COL11A1: variants seen among roughly 807,000 people sequenced by gnomAD.
The protein encoded by COL11A1 is collagen alpha-1(XI) chain.
Under a neutral mutation model 265.2 loss-of-function variants are expected in COL11A1, and 74 were observed. That is an observed-to-expected ratio of 0.28 (90% confidence interval 0.23 to 0.34). COL11A1 has a LOEUF of 0.34. Among genes scored for constraint, COL11A1 ranks in the 10% least tolerant of loss-of-function variants. COL11A1 has a pLI of 1.00. For missense variants in COL11A1, 2,165 were observed against 2,263.6 expected (o/e 0.96, Z 0.88); for synonymous variants, 816 against 727.6 (o/e 1.12, Z -1.96).
chr1:103,067,114 T>A (rs1671218597), intron 4 of COL11A1, among the ~76,000 whole-genome samples: 1 of 151,802 alleles, frequency 6.6e-6, no homozygotes, highest in African/African-American at 2.4e-5. Flanking sequence ...ATAGAACAAG[T>A]AGACAAAAAA....
At chr1:102,894,410 T>C (rs1652138149) in intron 57 of COL11A1, among the ~76,000 whole-genome samples, 1 of 152,066 alleles carries the variant, frequency 6.6e-6, no homozygotes, top group Non-Finnish European at 1.5e-5. Context: ...GGCACAAACC[T>C]GCAGCCCCAG....
intron 4 of COL11A1, among the ~76,000 whole-genome samples, chr1:103,041,367 T>A (rs1668795353): frequency 1.3e-5 from 2 of 151,032 alleles, no homozygotes; most frequent in Admixed American, 1.3e-4. Flanking sequence ...TATCAATTTT[T>A]AGCATCATCC....
chr1:103,021,703 T>G lies in COL11A1; in HGVS notation c.1308+4A>C. The G allele has an allele frequency of 6.2e-7, 1 of 1,604,236 alleles. No individual in the cohort carries two copies. Among genetic ancestry groups the G allele is most frequent in the Non-Finnish European group, 8.5e-7 (1 of 1,170,998 alleles). On this transcript the variant is annotated splice_donor_region_variant and intron_variant, in intron 9 of 66. Transcript: ENST00000370096. ...CTTTAAAGTGTATTCACACTACTAC[T>G]TACAGGCTCAACCACTGCTGGTTCT... is the stretch of plus-strand genomic sequence containing the variant.
intron 64 of COL11A1, among the ~76,000 whole-genome samples, 157 bp from the exon 65 acceptor site, chr1:102,881,922 CAA>C (rs1402112534): frequency 1.3e-5 from 2 of 151,916 alleles, no homozygotes; most frequent in South Asian, 2.1e-4. Context: ...CAAAATGAGA[CAA>C]AGAGAAAAAT....
At chr1:102,920,239 T>TC (rs1655821237) in intron 49 of COL11A1, 72 bp downstream of exon 49, 1 of 1,370,754 alleles carries the variant, frequency 7.3e-7, no homozygotes, top group African/African-American at 1.4e-5. Flanking sequence ...TAGAAGCACT[T>TC]AAACTACTAC....
chr1:103,047,607 C>A (rs1272849854), intron 4 of COL11A1, among the ~76,000 whole-genome samples: 1 of 152,150 alleles, frequency 6.6e-6, no homozygotes, highest in African/African-American at 2.4e-5. Context: ...CCTTCTCCTG[C>A]CTGATTGCCC....
chr1:102,952,984 C>T (rs1358787520), intron 41 of COL11A1, among the ~76,000 whole-genome samples: 4 of 152,132 alleles, frequency 2.6e-5, no homozygotes, highest in Non-Finnish European at 4.4e-5. Context: ...AGAATCTATT[C>T]TCTTGGGACA....
chr1:102,893,573 AG>A (rs1320430201), intron 57 of COL11A1, among the ~76,000 whole-genome samples: 16 of 152,132 alleles, frequency 1.1e-4, no homozygotes, highest in Non-Finnish European at 1.9e-4. Context: ...GAAAACCCCC[AG>A]GGAAATACAT....
At chr1:103,024,107 T>C (rs547857725) in intron 7 of COL11A1, among the ~76,000 whole-genome samples, 4 of 152,262 alleles carry the variant, frequency 2.6e-5, no homozygotes, top group African/African-American at 9.6e-5. Flanking sequence ...ATGATGAGGC[T>C]CAAATTAAAT....
intron 4 of COL11A1, among the ~76,000 whole-genome samples, chr1:103,035,155 T>C (rs778633375): frequency 5.9e-5 from 9 of 152,218 alleles, no homozygotes; most frequent in Admixed American, 2.6e-4. Flanking sequence ...ATATTTGAAA[T>C]AGCAGGGCCT....
chr1:103,042,581 G>A (rs995806085), intron 4 of COL11A1, among the ~76,000 whole-genome samples: 1 of 152,076 alleles, frequency 6.6e-6, no homozygotes, highest in Non-Finnish European at 1.5e-5. Context: ...CAGGAGTTTG[G>A]AAGTTGGGAA....
At chr1:103,005,918 TCA>T (rs1665561913) in intron 17 of COL11A1, 27 bp from the exon 18 acceptor site, 1 of 1,613,690 alleles carries the variant, frequency 6.2e-7, no homozygotes, top group South Asian at 1.1e-5. Context: ...ATCATCATCA[TCA>T]TCATCATCAT....
chr1:102,933,271 G>C (rs1032151493), intron 46 of COL11A1, among the ~76,000 whole-genome samples: 1 of 127,014 alleles, frequency 7.9e-6, no homozygotes, highest in East Asian at 2.3e-4. Context: ...TGGGTTTTTG[G>C]TGTGGATGTC....
intron 41 of COL11A1, among the ~76,000 whole-genome samples, chr1:102,954,229 T>C (rs1660153889): frequency 6.6e-6 from 1 of 152,154 alleles, no homozygotes. Context: ...TGCACCTTCA[T>C]CTAAAACTTA....
At chr1:102,994,002 T>C (rs10782915) in intron 28 of COL11A1, among the ~76,000 whole-genome samples, 134,740 of 152,194 alleles carry the variant, frequency 0.89, 60,853 homozygotes, top group East Asian at 1. Context: ...TGAGCTAATG[T>C]GAAATGCATG....
chr1:102,998,249 G>T (rs199599255), intron 25 of COL11A1, 61 bp downstream of exon 25: 4 of 1,347,072 alleles, frequency 3.0e-6, no homozygotes, highest in East Asian at 2.3e-5. Context: ...TAAAACACAT[G>T]TAAAATCTAT....
chr1:102,918,646 C>T (rs1655631681), intron 49 of COL11A1, among the ~76,000 whole-genome samples: 1 of 149,382 alleles, frequency 6.7e-6, no homozygotes. Flanking sequence ...CGTGCTGTCA[C>T]ATAAAAAAAA....
chr1:102,950,855 T>A (rs1659805472), intron 41 of COL11A1, among the ~76,000 whole-genome samples: 1 of 152,180 alleles, frequency 6.6e-6, no homozygotes, highest in African/African-American at 2.4e-5. Context: ...GTGAAGACAA[T>A]GGAATCATGA....
At chr1:102,943,177 C>T (rs916801527) in intron 42 of COL11A1, among the ~76,000 whole-genome samples, 2 of 152,056 alleles carry the variant, frequency 1.3e-5, no homozygotes, top group Admixed American at 1.3e-4. Context: ...CTTATTAGTA[C>T]TTCCACCTAT....
Sources: gnomAD v4.1 joint callset for allele counts (sites outside exome capture counted in the v4.1 genomes callset) on GRCh38, gnomAD v4.1.1 for gene constraint, MANE v1.5 for transcripts, NCBI Gene and HGNC (gene_info 2026-07-23, HGNC 2026-07-21) for gene names.